The following HS6ST2 variants were observed in gnomAD, a reference collection of about 807,000 sequenced individuals.
HS6ST2 encodes heparan-sulfate 6-O-sulfotransferase 2.
Under a neutral mutation model 33.0 loss-of-function variants are expected in HS6ST2, and 17 were observed. That is an observed-to-expected ratio of 0.52 (90% CI 0.35 to 0.77). The LOEUF (loss-of-function observed/expected upper bound fraction) is 0.77. HS6ST2 is among the 30% of genes least tolerant of loss of function. The probability of loss-of-function intolerance (pLI) is 0.01; values close to 1 mark genes in which losing one functional copy is unlikely to be tolerated. For synonymous variants in HS6ST2, 248 were observed against 237.1 expected, an observed-to-expected ratio of 1.05 and a Z score of -0.42; for missense variants, 519 against 551.7, an observed-to-expected ratio of 0.94 and a Z score of 0.59.
intron 2 of HS6ST2, among the ~76,000 whole-genome samples, chrX:132,813,886 T>A (rs1278029553): frequency 1.8e-5 from 2 of 112,121 alleles, no homozygotes; most frequent in Non-Finnish European, 3.8e-5. Flanking sequence ...CTCAGTTGGA[T>A]AAATAAACTG....
At chrX:132,943,550 C>CA (rs1379071195) in intron 2 of HS6ST2, among the ~76,000 whole-genome samples, 11 of 109,625 alleles carry the variant, frequency 1.0e-4, no homozygotes, top group African/African-American at 1.7e-4. Flanking sequence ...GGCAGAGACA[C>CA]ACAAAAAAAG....
chrX:132,919,075 T>G (rs887487147), intron 2 of HS6ST2, among the ~76,000 whole-genome samples: 4 of 111,452 alleles, frequency 3.6e-5, no homozygotes, highest in African/African-American at 1.3e-4. Flanking sequence ...TGGCAGAGAG[T>G]CTTTAATGAG....
chrX:132,717,788 TATC>T (rs2064289592), intron 2 of HS6ST2, among the ~76,000 whole-genome samples: 2 of 111,849 alleles, frequency 1.8e-5, no homozygotes, highest in African/African-American at 6.5e-5. Context: ...ACTTTTGAAA[TATC>T]ATGACCACTT....
intron 4 of HS6ST2, among the ~76,000 whole-genome samples, chrX:132,658,451 T>C (rs2063746507): frequency 9.0e-6 from 1 of 111,296 alleles, no homozygotes; most frequent in Non-Finnish European, 1.9e-5. Context: ...TCTACCTGCC[T>C]GTAAAGTTGT....
chrX:132,900,817 C>T (rs1190969866), intron 2 of HS6ST2, among the ~76,000 whole-genome samples: 2 of 111,025 alleles, frequency 1.8e-5, no homozygotes, highest in African/African-American at 6.6e-5. Context: ...TTGTGTAATA[C>T]CTGCCCTTTG....
chrX:132,808,074 G>A (rs1228866681), intron 2 of HS6ST2, among the ~76,000 whole-genome samples: 1 of 111,911 alleles, frequency 8.9e-6, no homozygotes, highest in Non-Finnish European at 1.9e-5. Flanking sequence ...CCCTTGTGGA[G>A]CTGCTGAGAA....
chrX:132,639,376 C>T (rs1432369025), intron 4 of HS6ST2, among the ~76,000 whole-genome samples: 1 of 111,845 alleles, frequency 8.9e-6, no homozygotes, highest in Admixed American at 9.5e-5. Context: ...GATTACACTG[C>T]CTTTCTCCCA....
chrX:132,947,340 T>G (rs2148501136), intron 2 of HS6ST2, among the ~76,000 whole-genome samples: 1 of 110,582 alleles, frequency 9.0e-6, no homozygotes, highest in East Asian at 2.8e-4. Flanking sequence ...ATCCTCTGTA[T>G]CCTTATTCAT....
chrX:132,961,084 A>G (rs1156364237), upstream of HS6ST2, among the ~76,000 whole-genome samples: 1 of 107,646 alleles, frequency 9.3e-6, no homozygotes, highest in Non-Finnish European at 1.9e-5. Flanking sequence ...CAAAGGCTCA[A>G]ATGCTCTAGA....
intron 2 of HS6ST2, among the ~76,000 whole-genome samples, chrX:132,802,719 A>G (rs746032206): frequency 9.1e-6 from 1 of 110,081 alleles, no homozygotes; most frequent in South Asian, 4.0e-4. Flanking sequence ...TTTGCATGCA[A>G]AAACACCAAA....
intron 2 of HS6ST2, among the ~76,000 whole-genome samples, chrX:132,749,156 G>C (rs918208345): frequency 1.8e-5 from 2 of 111,648 alleles, no homozygotes; most frequent in African/African-American, 6.5e-5. Flanking sequence ...TCCTTCCTTC[G>C]GATTCTCACA....
intron 2 of HS6ST2, among the ~76,000 whole-genome samples, chrX:132,914,437 G>T (rs1721264954): frequency 8.9e-6 from 1 of 112,403 alleles, no homozygotes; most frequent in African/African-American, 3.2e-5. Flanking sequence ...CAGAATTAAG[G>T]GTAATCATAG....
intron 2 of HS6ST2, among the ~76,000 whole-genome samples, chrX:132,941,915 T>TA (rs2066891664): frequency 8.9e-6 from 1 of 112,216 alleles, no homozygotes; most frequent in East Asian, 2.8e-4. Flanking sequence ...ATGTAATTTT[T>TA]AAAAAATACC....
rs1569475973 is a variant in HS6ST2 at position 132,637,874 on chromosome X, TAATATATATATA to T, written c.1068-8793_1068-8782del. ...TAATATATATATAATATATTATATA[TAATATATATATA>T]ATATTTTATATATAATATTATATAT... On this transcript the variant is annotated intron_variant, in intron 4 of 4. Transcript: ENST00000370833. Among the ~76,000 whole-genome samples the T allele has an allele frequency of 7.9e-4, 33 of 41,576 alleles. 2 individuals are homozygous for T. Among genetic ancestry groups the T allele is most frequent in the African/African-American group, 6.8e-3 (33 of 4,822 alleles). The allele number at this position is 41,576 out of a possible 115,157, so 36.1% of individuals were successfully genotyped here. A position where few individuals can be genotyped will look rare whatever the true frequency, so the allele number is the denominator to read the frequency against.
At chrX:132,815,564 T>C (rs1273426562) in intron 2 of HS6ST2, among the ~76,000 whole-genome samples, 3 of 112,187 alleles carry the variant, frequency 2.7e-5, no homozygotes, top group Non-Finnish European at 5.6e-5. Flanking sequence ...CAGGCTAAGA[T>C]GGCACAATAC....
intron 3 of HS6ST2, among the ~76,000 whole-genome samples, chrX:132,670,651 A>C (rs998184916): frequency 1.1e-4 from 12 of 111,628 alleles, no homozygotes; most frequent in African/African-American, 3.6e-4. Context: ...TACAAAAATA[A>C]AAAATAAAAA....
At chrX:132,715,308 G>A (rs182917807) in intron 2 of HS6ST2, among the ~76,000 whole-genome samples, 1 of 111,559 alleles carries the variant, frequency 9.0e-6, no homozygotes, top group Admixed American at 9.5e-5. Context: ...GTTGTCATGT[G>A]CCTGTGGTCC....
At chrX:132,829,566 AG>A (rs1380157861) in intron 2 of HS6ST2, among the ~76,000 whole-genome samples, 2 of 111,090 alleles carry the variant, frequency 1.8e-5, no homozygotes, top group Non-Finnish European at 3.8e-5. Flanking sequence ...ACCCATGTAC[AG>A]GTCCAGAGGA....
chrX:132,741,018 C>T (rs1053587873), intron 2 of HS6ST2, among the ~76,000 whole-genome samples: 3 of 112,093 alleles, frequency 2.7e-5, no homozygotes, highest in Non-Finnish European at 5.6e-5. Flanking sequence ...TTTGATTTAC[C>T]TTTTTGTGCT....
Sources: allele counts gnomAD v4.1 joint callset (sites outside exome capture counted in the v4.1 genomes callset), GRCh38; gene constraint gnomAD v4.1.1; transcripts MANE v1.5; gene names NCBI Gene and HGNC (gene_info 2026-07-23, HGNC 2026-07-21).